Variants in VMP1 observed in about 807,000 individuals in gnomAD.
VMP1 encodes vacuole membrane protein 1.
A neutral mutation model predicts 56.0 loss-of-function variants in VMP1; 11 were observed. That is an observed-to-expected ratio of 0.20 (90% CI 0.12 to 0.32). The LOEUF (loss-of-function observed/expected upper bound fraction) is 0.32, where lower values mean the gene tolerates loss of function less well. Ranked by LOEUF, VMP1 falls within the 10% of genes least tolerant of loss-of-function variation. The pLI is 1.00. For missense variants in VMP1, 296 were observed against 490.3 expected, an observed-to-expected ratio of 0.60 and a Z score of 3.74; for synonymous variants, 149 against 165.0, an observed-to-expected ratio of 0.90 and a Z score of 0.74.
At chr17:59,738,211 C>A (rs571554831) in intron 4 of VMP1, among the ~76,000 whole-genome samples, 5 of 152,270 alleles carry the variant, frequency 3.3e-5, no homozygotes, top group East Asian at 1.9e-4. Context: ...TTGATGATTA[C>A]GTTTTATTTG....
At chr17:59,811,045 T>C (rs189590734) in intron 8 of VMP1, among the ~76,000 whole-genome samples, 138 of 152,356 alleles carry the variant, frequency 9.1e-4, no homozygotes, top group African/African-American at 2.9e-3. Flanking sequence ...TTTCCACACT[T>C]GATCTTCTTT....
At chr17:59,756,239 C>T (rs2035838972) in intron 5 of VMP1, among the ~76,000 whole-genome samples, 1 of 152,114 alleles carries the variant, frequency 6.6e-6, no homozygotes, top group South Asian at 2.1e-4. Flanking sequence ...AAGAGAATTC[C>T]TGTGTTTGCA....
intron 7 of VMP1, among the ~76,000 whole-genome samples, chr17:59,790,368 C>A (rs1035344686): frequency 3.9e-5 from 6 of 152,150 alleles, no homozygotes; most frequent in African/African-American, 1.4e-4. Context: ...TGACATGGGT[C>A]TGCATCAATT....
chr17:59,821,983 C>T lies in VMP1; in HGVS notation c.974+4210C>T, dbSNP rs188246638. On this transcript the variant is annotated intron_variant, in intron 10 of 11. Transcript: ENST00000262291. ...TCAGCCTCCCAAGTAACTGGGATTACAGGCGTGCACCACCATGCCTGGCTA... is the reference window on the plus strand; with the variant it reads ...TCAGCCTCCCAAGTAACTGGGATTATAGGCGTGCACCACCATGCCTGGCTA... Among the ~76,000 whole-genome samples, 910 of 152,102 alleles carry T rather than the reference C, an allele frequency of 6.0e-3. 15 individuals carry two copies. The highest frequency in any genetic ancestry group is 0.021 in the African/African-American group (873 of 41,502).
intron 10 of VMP1, among the ~76,000 whole-genome samples, chr17:59,819,458 G>GT (rs1405197135): frequency 1.8e-4 from 28 of 151,482 alleles, no homozygotes; most frequent in East Asian, 1.2e-3. Context: ...TATGTTTTTG[G>GT]TTTTTTTTGT....
intron 7 of VMP1, among the ~76,000 whole-genome samples, chr17:59,795,946 A>T (rs2037425289): frequency 1.3e-5 from 2 of 152,202 alleles, no homozygotes; most frequent in Admixed American, 1.3e-4. Context: ...GATTCAGAGA[A>T]CCTAAAAGAT....
intron 1 of VMP1, among the ~76,000 whole-genome samples, chr17:59,717,295 G>A (rs896853811): frequency 3.3e-5 from 5 of 152,128 alleles, no homozygotes; most frequent in African/African-American, 9.7e-5. Context: ...TGATGAAAAT[G>A]TTTTGCTAAG....
At chr17:59,813,438 G>A (rs957823508) in intron 9 of VMP1, among the ~76,000 whole-genome samples, 1 of 151,998 alleles carries the variant, frequency 6.6e-6, no homozygotes, top group African/African-American at 2.4e-5. Flanking sequence ...TTAGCCGAGC[G>A]TGGTGGCGCA....
chr17:59,739,638 G>A (rs2035144988), intron 5 of VMP1, among the ~76,000 whole-genome samples: 1 of 146,898 alleles, frequency 6.8e-6, no homozygotes, highest in Non-Finnish European at 1.5e-5. Flanking sequence ...GCAGGAGAAT[G>A]GCCTGAACCC....
rs1411811823 is a variant in VMP1 at position 59,749,069 on chromosome 17, C to T, written c.414+10122C>T. 3.3e-5 allele frequency among the ~76,000 whole-genome samples: 5 copies of T among 150,784 alleles called. No individual in the cohort carries two copies. The East Asian group carries it at 9.7e-4, about 29-fold the overall frequency. On this transcript the variant is annotated intron_variant, in intron 5 of 11. Transcript: ENST00000262291. Reference sequence around the variant, plus strand: ...GGTTCCAGTGTTTCTCCTGCCTCAGCCTCCCCAGTAGCTGGAATTACAGGT... The same window carrying T: ...GGTTCCAGTGTTTCTCCTGCCTCAGTCTCCCCAGTAGCTGGAATTACAGGT...
At chr17:59,778,740 A>G (rs1161821528) in intron 7 of VMP1, among the ~76,000 whole-genome samples, 1 of 152,142 alleles carries the variant, frequency 6.6e-6, no homozygotes, top group East Asian at 1.9e-4. Context: ...GGATCCTTCA[A>G]TTTCTTGCCT....
intron 7 of VMP1, among the ~76,000 whole-genome samples, chr17:59,778,762 A>G (rs1349283871): frequency 6.6e-6 from 1 of 152,234 alleles, no homozygotes; most frequent in Non-Finnish European, 1.5e-5. Flanking sequence ...GGCAATGCAG[A>G]CAGTCCCTAA....
chr17:59,837,729 A>T (rs2039025612), intron 10 of VMP1: 1 of 152,186 alleles, frequency 6.6e-6, no homozygotes, highest in South Asian at 2.1e-4. Context: ...TTGGATAAGG[A>T]TGACGCACAG....
chr17:59,787,624 C>A (rs2037049805), intron 7 of VMP1, among the ~76,000 whole-genome samples: 2 of 151,916 alleles, frequency 1.3e-5, no homozygotes, highest in African/African-American at 4.8e-5. Context: ...GAGTTTGAGA[C>A]CAGCTTGGCC....
At chr17:59,748,208 A>C (rs956974695) in intron 5 of VMP1, among the ~76,000 whole-genome samples, 8 of 152,094 alleles carry the variant, frequency 5.3e-5, no homozygotes, top group Admixed American at 2.6e-4. Flanking sequence ...AAAAAAAAAA[A>C]AAAAAAAAAC....
At chr17:59,738,726 G>GT in intron 4 of VMP1, 111 bp from the exon 5 acceptor site, 2 of 784,020 alleles carry the variant, frequency 2.6e-6, no homozygotes, top group Non-Finnish European at 4.1e-6. Context: ...AATCTTATTA[G>GT]TTTTTTCCTA....
chr17:59,781,384 A>G (rs1198129291), intron 7 of VMP1, among the ~76,000 whole-genome samples: 3 of 152,188 alleles, frequency 2.0e-5, no homozygotes, highest in Non-Finnish European at 4.4e-5. Flanking sequence ...TGTATTCCAG[A>G]CTGCTTTCTT....
At chr17:59,785,259 AT>A (rs765560284) in intron 7 of VMP1, among the ~76,000 whole-genome samples, 18 of 152,206 alleles carry the variant, frequency 1.2e-4, no homozygotes, top group Non-Finnish European at 1.8e-4. Context: ...TGCTACTTGG[AT>A]TCTTTCTCAC....
chr17:59,739,565 A>C (rs1230713189), intron 5 of VMP1, among the ~76,000 whole-genome samples: 1 of 151,098 alleles, frequency 6.6e-6, no homozygotes, highest in Non-Finnish European at 1.5e-5. Context: ...TCTACTAAAA[A>C]TACAAAAAAT....
Sources: gnomAD v4.1 joint callset for allele counts (sites outside exome capture counted in the v4.1 genomes callset) on GRCh38, gnomAD v4.1.1 for gene constraint, MANE v1.5 for transcripts, NCBI Gene and HGNC (gene_info 2026-07-23, HGNC 2026-07-21) for gene names.